Variants in MANBA observed in about 807,000 individuals in gnomAD.
The protein encoded by MANBA is mannosidase beta.
Under a neutral mutation model 111.1 loss-of-function variants are expected in MANBA, and 83 were observed. The ratio of observed to expected loss-of-function variants is 0.75; its 90% CI spans 0.63 to 0.90. The LOEUF (loss-of-function observed/expected upper bound fraction) is 0.90. Among genes scored for constraint, MANBA ranks in the 40% least tolerant of loss-of-function variants. The pLI is 0.00. For synonymous variants in MANBA, 370 were observed against 378.7 expected (o/e 0.98, Z 0.27); for missense variants, 1,036 against 1,069.0 (o/e 0.97, Z 0.43).
chr4:102,760,647 G>A, intron 1 of MANBA, 71 bp downstream of exon 1: 4 of 1,437,154 alleles, frequency 2.8e-6, no homozygotes, highest in Non-Finnish European at 3.7e-6. Flanking sequence ...GCTGCCAGGC[G>A]GTTCCTGGGC....
At position 102,664,726 on chromosome 4, in the gene MANBA, C is replaced by A. The variant is rs758408717; in HGVS notation, c.1444G>T (p.Val482Leu). The A allele has an allele frequency of 1.9e-6, 3 of 1,613,490 alleles. No individual in the cohort carries two copies. The highest frequency in any genetic ancestry group is 2.5e-6 in the Non-Finnish European group (3 of 1,179,350). Residue 482 changes from valine (V) to leucine (L), a missense_variant, in exon 11 of 17, where the codon GTG (valine) becomes TTG (leucine). By Grantham distance (32) the Val-to-Leu change is conservative (BLOSUM62 1). Coordinates refer to ENST00000647097, the MANE Select transcript of MANBA (RefSeq NM_005908.4). ...TDRPIYIKDY[V>L]TLYVKNIREL... ...CTGATGTTTTTCACATAGAGTGTCACATAGTCCTTGATGTAGATTGGCCGG... is the reference window on the plus strand; with the variant it reads ...CTGATGTTTTTCACATAGAGTGTCAAATAGTCCTTGATGTAGATTGGCCGG...
At chr4:102,715,391 CT>C (rs1374280245) in intron 4 of MANBA, among the ~76,000 whole-genome samples, 3 of 152,224 alleles carry the variant, frequency 2.0e-5, no homozygotes, top group Non-Finnish European at 2.9e-5. Context: ...AGGCACCCAG[CT>C]GAGCCACACT....
At chr4:102,743,147 T>C (rs1723468583) in intron 1 of MANBA, among the ~76,000 whole-genome samples, 1 of 152,262 alleles carries the variant, frequency 6.6e-6, no homozygotes, top group Admixed American at 6.5e-5. Context: ...AGTACTCACA[T>C]GGGATACAAA....
intron 10 of MANBA, 56 bp downstream of exon 10, chr4:102,668,907 G>A: frequency 7.2e-7 from 1 of 1,387,454 alleles, no homozygotes; most frequent in Non-Finnish European, 1.0e-6. Context: ...TTTAACAAAA[G>A]GCAATACTAA....
intron 1 of MANBA, among the ~76,000 whole-genome samples, chr4:102,732,602 G>C (rs1560804452): frequency 6.6e-6 from 1 of 152,222 alleles, no homozygotes; most frequent in African/African-American, 2.4e-5. Flanking sequence ...AGCTACTAGA[G>C]GAGAGAGTGA....
At position 102,696,831 on chromosome 4, in the gene MANBA, T is replaced by A. The variant is rs565258204; in HGVS notation, c.674-6060A>T. On this transcript the variant is annotated intron_variant, in intron 5 of 16. Transcript: ENST00000647097. Reference sequence around the variant, plus strand: ...TTATGTGCATTTAAAGAAACAGCAATGACACCAAATGAAATGAACAAGCCA... The same window carrying A: ...TTATGTGCATTTAAAGAAACAGCAAAGACACCAAATGAAATGAACAAGCCA... Among the ~76,000 whole-genome samples the A allele has an allele frequency of 4.6e-5, 7 of 152,204 alleles. No individual in the cohort carries two copies. In the South Asian group the frequency reaches 1.5e-3, roughly 32 times the overall value.
Position 102,689,630 on chromosome 4 carries a change from T to C in MANBA, c.904A>G (p.Asn302Asp). The C allele has an allele frequency of 6.2e-7, 1 of 1,612,120 alleles. No individual in the cohort carries two copies. Among genetic ancestry groups the C allele is most frequent in the Non-Finnish European group, 8.5e-7 (1 of 1,178,478 alleles). ...TCCAGTTCAAAAAGAACAGTCATGT[T>C]GTACCCAGTCTGGTTTCCATGTCCA... ...PHGHGNQTGY[N>D]MTVLFELDGG... The change falls in exon 7 of 17, where the codon AAC becomes GAC. Residue 302 changes from asparagine to aspartate, a missense_variant. Physicochemically the swap from Asn to Asp is conservative, Grantham distance 23. Coordinates refer to ENST00000647097, the MANE Select transcript of MANBA (RefSeq NM_005908.4).
chr4:102,742,301 C>T (rs932646362), intron 1 of MANBA, among the ~76,000 whole-genome samples: 6 of 152,130 alleles, frequency 3.9e-5, no homozygotes, highest in Non-Finnish European at 5.9e-5. Context: ...AACGTAATGT[C>T]GCAGGAACAG....
chr4:102,673,865 C>A, intron 8 of MANBA, 54 bp downstream of exon 8: 1 of 1,513,036 alleles, frequency 6.6e-7, no homozygotes, highest in Non-Finnish European at 9.2e-7. Context: ...AAACCTCAAG[C>A]TTTGCGGGAC....
intron 7 of MANBA, 144 bp from the exon 8 acceptor site, chr4:102,674,214 A>C: frequency 1.5e-6 from 1 of 645,654 alleles, no homozygotes; most frequent in Non-Finnish European, 2.7e-6. Flanking sequence ...ATAATGTGGA[A>C]ATGCACATTT....
At chr4:102,689,353 A>G (rs866171646) in intron 7 of MANBA, among the ~76,000 whole-genome samples, 2,525 of 116,602 alleles carry the variant, frequency 0.022, 77 homozygotes, top group African/African-American at 0.075. Context: ...TGTCTCAAAA[A>G]AAAAAAATAT....
At chr4:102,700,533 T>G (rs1342235137) in intron 5 of MANBA, among the ~76,000 whole-genome samples, 1 of 151,950 alleles carries the variant, frequency 6.6e-6, no homozygotes, top group Non-Finnish European at 1.5e-5. Flanking sequence ...GCTTTGAATG[T>G]GTCCCAGAGA....
At chr4:102,704,866 C>A (rs1422773575) in intron 5 of MANBA, among the ~76,000 whole-genome samples, 1 of 152,178 alleles carries the variant, frequency 6.6e-6, no homozygotes, top group Non-Finnish European at 1.5e-5. Flanking sequence ...ATAGGAATTA[C>A]TGCTTAACAT....
chr4:102,697,081 C>G (rs541464361), intron 5 of MANBA, among the ~76,000 whole-genome samples: 32 of 152,202 alleles, frequency 2.1e-4, no homozygotes, highest in Non-Finnish European at 4.1e-4. Context: ...GCAAAAGAGA[C>G]GCAAGGCAAA....
rs375744268 is a variant in MANBA at position 102,723,829 on chromosome 4, A to AT, written c.378+32dup. 1.9e-3 allele frequency: 2,453 copies of AT among 1,266,020 alleles called. 39 individuals carry two copies. In the African/African-American group the frequency reaches 0.03, roughly 15 times the overall value. 78.4% of individuals were successfully genotyped at this position (1,266,020 alleles called of 1,614,324 possible). ...AAGCAATTAACATAAACACACATAA[A>AT]TTTTTTTTAACCTAATGTCATTATA... On this transcript the variant is annotated intron_variant, in intron 3 of 16. Transcript: ENST00000647097.
intron 13 of MANBA, 56 bp downstream of exon 13, chr4:102,650,481 T>C: frequency 6.6e-7 from 1 of 1,524,544 alleles, no homozygotes; most frequent in Non-Finnish European, 9.1e-7. Flanking sequence ...AAAATCTACA[T>C]AATCTCTTAC....
Position 102,743,452 on chromosome 4 carries a change from G to C in MANBA, c.178-16769C>G, listed in dbSNP as rs148542436. 4.9e-3 allele frequency among the ~76,000 whole-genome samples: 752 copies of C among 152,306 alleles called. 5 individuals are homozygous for C. The highest frequency in any genetic ancestry group is 0.01 in the Middle Eastern group (3 of 294). ...TAGTGCTGCAGCTATCCACTTTCGG[G>C]TGGTGCCTGCATATCGTGCAGAACC... On this transcript the variant is annotated intron_variant, in intron 1 of 16. Coordinates refer to ENST00000647097, the MANE Select transcript of MANBA (RefSeq NM_005908.4).
intron 13 of MANBA, among the ~76,000 whole-genome samples, chr4:102,646,089 T>C (rs193023933): frequency 3.3e-5 from 5 of 152,088 alleles, no homozygotes; most frequent in South Asian, 2.1e-4. Flanking sequence ...GTGATATGGG[T>C]GTCTGGAGAT....
chr4:102,742,966 T>C lies in MANBA; in HGVS notation c.178-16283A>G, dbSNP rs568220806. On this transcript the variant is annotated intron_variant, in intron 1 of 16. Coordinates refer to ENST00000647097, the MANE Select transcript of MANBA (RefSeq NM_005908.4). ...CAGCCTTGCTGAGTGGAAATCCATG[T>C]TGCTGAGTCCATGTGTAACCCCCAT... Among the ~76,000 whole-genome samples the C allele has an allele frequency of 3.3e-5, 5 of 152,310 alleles. No individual in the cohort carries two copies. In the East Asian group the frequency reaches 9.6e-4, roughly 29 times the overall value.
Sources: gnomAD v4.1 joint callset for allele counts (sites outside exome capture counted in the v4.1 genomes callset) on GRCh38, gnomAD v4.1.1 for gene constraint, MANE v1.5 for transcripts, NCBI Gene and HGNC (gene_info 2026-07-23, HGNC 2026-07-21) for gene names.